Variants in LRRC8D observed in about 807,000 individuals in gnomAD.
The protein encoded by LRRC8D is leucine rich repeat containing 8 VRAC subunit D.
A neutral mutation model predicts 55.8 loss-of-function variants in LRRC8D; 20 were observed. The ratio of observed to expected loss-of-function variants is 0.36; its 90% CI spans 0.25 to 0.52. The LOEUF (loss-of-function observed/expected upper bound fraction) is 0.52. LRRC8D is among the 20% of genes least tolerant of loss of function. The probability of loss-of-function intolerance (pLI) is 0.93; values close to 1 mark genes in which losing one functional copy is unlikely to be tolerated. For synonymous variants in LRRC8D, 352 were observed against 377.0 expected (o/e 0.93, Z 0.77); for missense variants, 651 against 1,030.8 (o/e 0.63, Z 5.05).
At chr1:89,873,801 C>G (rs1412634711) in intron 2 of LRRC8D, among the ~76,000 whole-genome samples, 2 of 152,204 alleles carry the variant, frequency 1.3e-5, no homozygotes, top group African/African-American at 4.8e-5. Flanking sequence ...AAAGAATCAG[C>G]CATATCATAG....
rs1029811167 is a variant in LRRC8D at position 89,873,574 on chromosome 1, A to G, written c.-3+29792A>G. The stretch of plus-strand genomic sequence containing the variant: ...TTGATAGGTTCCAGATAAACAATGG[A>G]CACATTAGAAGAGGGGTGTTATCAT... On this transcript the variant is annotated intron_variant, in intron 2 of 2. Coordinates refer to ENST00000337338, the MANE Select transcript of LRRC8D (RefSeq NM_001134479.2). Among the ~76,000 whole-genome samples, 11 of 152,224 alleles carry G rather than the reference A, an allele frequency of 7.2e-5. No individual in the cohort carries two copies. The South Asian group carries it at 1.0e-3, about 14-fold the overall frequency.
At chr1:89,925,650 TTAAA>T (rs530385461) in intron 2 of LRRC8D, among the ~76,000 whole-genome samples, 59 of 152,362 alleles carry the variant, frequency 3.9e-4, no homozygotes, top group African/African-American at 1.4e-3. Context: ...TAAATATGTG[TTAAA>T]TATGCTTTAT....
At chr1:89,827,113 G>A (rs12028866) in intron 1 of LRRC8D, among the ~76,000 whole-genome samples, 1 of 152,248 alleles carries the variant, frequency 6.6e-6, no homozygotes, top group East Asian at 1.9e-4. Flanking sequence ...CAGTTTGGGA[G>A]GCTGAGGTGG....
In LRRC8D at chr1:89,934,154, G is replaced by A. The variant is rs775699490; in HGVS notation, c.1086G>A (p.Leu362=). The change falls in exon 3 of 3, where the codon TTG becomes TTA. Residue 362 remains leucine (L), a synonymous_variant. Transcript: ENST00000337338. This position sits in a 1 kb window ranked among gnomAD's most constrained non-coding sequence, Gnocchi z 5.9. ...FECTHNMAYM[L]KKLLISYISI... Reference sequence around the variant, plus strand: ...GCACCCACAATATGGCTTACATGTTGAAAAAGCTTCTCATCAGTTACATAT... The same window carrying A: ...GCACCCACAATATGGCTTACATGTTAAAAAAGCTTCTCATCAGTTACATAT... 31 of 1,614,102 alleles carry A rather than the reference G, an allele frequency of 1.9e-5. No individual in the cohort carries two copies. In the Middle Eastern group the frequency reaches 6.6e-4, roughly 34 times the overall value.
chr1:89,932,467 A>G (rs1262907496), intron 2 of LRRC8D, among the ~76,000 whole-genome samples: 1 of 152,208 alleles, frequency 6.6e-6, no homozygotes, highest in Non-Finnish European at 1.5e-5. Flanking sequence ...GCTAACGTAA[A>G]CAGCTAACAA....
intron 2 of LRRC8D, among the ~76,000 whole-genome samples, chr1:89,914,149 A>T (rs1427754913): frequency 6.6e-6 from 1 of 152,236 alleles, no homozygotes. Flanking sequence ...TCCACTTTGG[A>T]TGGACTGCAA....
chr1:89,827,297 C>T (rs1466894243), intron 1 of LRRC8D, among the ~76,000 whole-genome samples: 27 of 147,394 alleles, frequency 1.8e-4, no homozygotes, highest in Non-Finnish European at 3.0e-5. Context: ...TTGCAGTGAG[C>T]TGAGATCGCG....
At chr1:89,882,213 GT>G (rs1349326052) in intron 2 of LRRC8D, among the ~76,000 whole-genome samples, 15 of 152,334 alleles carry the variant, frequency 9.8e-5, no homozygotes, top group Admixed American at 9.1e-4. Context: ...TTTAGCATAT[GT>G]TTGTTAGGTC....
In LRRC8D at chr1:89,934,319, G is replaced by A. The variant is rs980229743; in HGVS notation, c.1251G>A (p.Ala417=). The A allele has an allele frequency of 8.1e-6, 13 of 1,613,694 alleles. No individual in the cohort carries two copies. Among genetic ancestry groups the A allele is most frequent in the East Asian group, 6.7e-5 (3 of 44,886 alleles). Residue 417 remains alanine (A), a synonymous_variant, in exon 3 of 3, where the codon GCG becomes GCA. Coordinates refer to ENST00000337338, the MANE Select transcript of LRRC8D (RefSeq NM_001134479.2). This position sits in a 1 kb window ranked among gnomAD's most constrained non-coding sequence, Gnocchi z 5.9. ...TTCCAGATGTCAAAAACGATTTTGC[G>A]TTCCTTCTTCACATGGTAGACCAGT... is the stretch of plus-strand genomic sequence containing the variant. ...SDIPDVKNDF[A]FLLHMVDQYD... is the part of the protein sequence containing the mutation.
At position 89,844,013 on chromosome 1, in the gene LRRC8D, A is replaced by G. The variant is rs538670207; in HGVS notation, c.-3+231A>G. Among the ~76,000 whole-genome samples the G allele has an allele frequency of 3.5e-3, 530 of 152,300 alleles. 2 individuals carry two copies. Among genetic ancestry groups the G allele is most frequent in the African/African-American group, 0.012 (508 of 41,574 alleles). On this transcript the variant is annotated intron_variant, in intron 2 of 2. Transcript: ENST00000337338. ...CGGAGCCGCCTGCGAGGACTCCACT[A>G]GGGCGCTTTCCAGGCTGGACTGCCC...
chr1:89,922,458 G>A (rs906159247), intron 2 of LRRC8D, among the ~76,000 whole-genome samples: 1 of 152,188 alleles, frequency 6.6e-6, no homozygotes, highest in African/African-American at 2.4e-5. Flanking sequence ...CTCTATGTGC[G>A]TGGTGCTACA....
At chr1:89,896,353 C>A (rs1662712542) in intron 2 of LRRC8D, among the ~76,000 whole-genome samples, 1 of 152,074 alleles carries the variant, frequency 6.6e-6, no homozygotes, top group African/African-American at 2.4e-5. Context: ...ATCATCATTG[C>A]ACAGAAGGGG....
At chr1:89,910,186 G>A (rs1458788239) in intron 2 of LRRC8D, among the ~76,000 whole-genome samples, 2 of 152,204 alleles carry the variant, frequency 1.3e-5, no homozygotes, top group Admixed American at 6.5e-5. Context: ...TTGAAGGTAA[G>A]ATTTAAAAAC....
chr1:89,870,428 A>C (rs1050996123), intron 2 of LRRC8D, among the ~76,000 whole-genome samples: 5 of 152,080 alleles, frequency 3.3e-5, no homozygotes, highest in Non-Finnish European at 5.9e-5. Context: ...GTGAGCCAAG[A>C]TCGTGTCACT....
At chr1:89,925,073 A>T (rs769245118) in intron 2 of LRRC8D, among the ~76,000 whole-genome samples, 2 of 152,138 alleles carry the variant, frequency 1.3e-5, no homozygotes, top group Admixed American at 6.5e-5. Context: ...GCAGTGGGAG[A>T]GTGAGCAAAG....
chr1:89,898,045 G>A (rs1159625174), intron 2 of LRRC8D, among the ~76,000 whole-genome samples: 1 of 152,184 alleles, frequency 6.6e-6, no homozygotes, highest in Non-Finnish European at 1.5e-5. Flanking sequence ...GAATAAAGAT[G>A]TCTCTGATAT....
intron 2 of LRRC8D, among the ~76,000 whole-genome samples, chr1:89,863,937 A>G (rs896515812): frequency 6.6e-6 from 1 of 152,250 alleles, no homozygotes; most frequent in African/African-American, 2.4e-5. Context: ...AAATTCTGCC[A>G]GGTGCATTGG....
At chr1:89,897,896 A>C (rs1300706732) in intron 2 of LRRC8D, among the ~76,000 whole-genome samples, 1 of 152,124 alleles carries the variant, frequency 6.6e-6, no homozygotes, top group Non-Finnish European at 1.5e-5. Context: ...AGAGGCTGGG[A>C]CAAGGTGCAT....
intron 2 of LRRC8D, among the ~76,000 whole-genome samples, chr1:89,878,967 C>CA (rs5776028): frequency 0.42 from 38,165 of 90,604 alleles, 6,019 homozygotes; most frequent in African/African-American, 0.44. Context: ...AAATCCGTCT[C>CA]AAAAAAAAAA....
Sources: allele counts gnomAD v4.1 joint callset (sites outside exome capture counted in the v4.1 genomes callset), GRCh38; gene constraint gnomAD v4.1.1; non-coding constraint Gnocchi (gnomAD v3.1); transcripts MANE v1.5; gene names NCBI Gene and HGNC (gene_info 2026-07-23, HGNC 2026-07-21).